The following CSMD3 variants were observed in gnomAD, a reference collection of about 807,000 sequenced individuals.
CSMD3 encodes CUB and sushi domain-containing protein 3.
CSMD3 carries 177 observed loss-of-function variants against 435.2 expected under a neutral mutation model. The ratio of observed to expected loss-of-function variants is 0.41; its 90% CI spans 0.36 to 0.46. CSMD3 has a LOEUF of 0.46. Among genes scored for constraint, CSMD3 ranks in the 20% least tolerant of loss-of-function variants. The pLI is 0.34. For synonymous variants in CSMD3, 1,656 were observed against 1,520.5 expected (o/e 1.09, Z -2.07); for missense variants, 4,265 against 4,504.6 (o/e 0.95, Z 1.52).
intron 32 of CSMD3, among the ~76,000 whole-genome samples, chr8:112,469,450 G>A (rs1297333220): frequency 6.6e-6 from 1 of 151,980 alleles, no homozygotes; most frequent in Non-Finnish European, 1.5e-5. Context: ...TGAATGCACT[G>A]AGTGTATTTG....
At chr8:113,166,244 C>T (rs945412392) in intron 4 of CSMD3, among the ~76,000 whole-genome samples, 2 of 152,062 alleles carry the variant, frequency 1.3e-5, no homozygotes, top group Non-Finnish European at 2.9e-5. Context: ...GTGGCTCACA[C>T]CTGTAATCCC....
At chr8:112,434,536 G>T (rs982441783) in intron 32 of CSMD3, among the ~76,000 whole-genome samples, 1 of 151,954 alleles carries the variant, frequency 6.6e-6, no homozygotes, top group Non-Finnish European at 1.5e-5. Flanking sequence ...CATCTAAAAT[G>T]CTGTATTGTT....
chr8:112,390,449 G>T (rs533540961), intron 36 of CSMD3, among the ~76,000 whole-genome samples: 1 of 152,236 alleles, frequency 6.6e-6, no homozygotes, highest in Admixed American at 6.5e-5. Flanking sequence ...GTTATATGGG[G>T]TTAACACATT....
chr8:113,017,180 C>T (rs1302070993), intron 6 of CSMD3, among the ~76,000 whole-genome samples: 1 of 151,956 alleles, frequency 6.6e-6, no homozygotes, highest in Non-Finnish European at 1.5e-5. Flanking sequence ...CACATCTTTT[C>T]CATTTTACTA....
chr8:112,868,857 T>A (rs1422808421), intron 10 of CSMD3, among the ~76,000 whole-genome samples: 1 of 152,072 alleles, frequency 6.6e-6, no homozygotes, highest in Non-Finnish European at 1.5e-5. Context: ...TATACAAAAA[T>A]TAGCTTGAAA....
intron 10 of CSMD3, among the ~76,000 whole-genome samples, chr8:112,862,858 T>C (rs1350476563): frequency 6.6e-6 from 1 of 152,036 alleles, no homozygotes; most frequent in Non-Finnish European, 1.5e-5. Context: ...CTCCCAAAAA[T>C]AATATTAAAA....
intron 32 of CSMD3, among the ~76,000 whole-genome samples, chr8:112,442,672 T>C (rs1191492325): frequency 2.0e-5 from 3 of 152,222 alleles, no homozygotes; most frequent in African/African-American, 7.2e-5. Context: ...ATCCATTCTC[T>C]GAACTCAACT....
At chr8:113,054,041 T>C (rs1157991498) in intron 5 of CSMD3, among the ~76,000 whole-genome samples, 5 of 152,202 alleles carry the variant, frequency 3.3e-5, no homozygotes, top group African/African-American at 1.2e-4. Flanking sequence ...AATTGATTTC[T>C]TACCAAACTA....
intron 22 of CSMD3, among the ~76,000 whole-genome samples, chr8:112,610,770 T>G (rs879293328): frequency 5.3e-5 from 8 of 152,166 alleles, no homozygotes; most frequent in South Asian, 2.1e-4. Context: ...GAGCACCATC[T>G]TCTGATTTTC....
intron 1 of CSMD3, among the ~76,000 whole-genome samples, chr8:113,332,658 C>A (rs895305393): frequency 6.6e-6 from 1 of 151,108 alleles, no homozygotes; most frequent in Non-Finnish European, 1.5e-5. Context: ...TCCTTTTTTT[C>A]ATCAATTAGA....
At chr8:112,332,209 C>A (rs952461054) in intron 45 of CSMD3, among the ~76,000 whole-genome samples, 8 of 152,078 alleles carry the variant, frequency 5.3e-5, no homozygotes, top group East Asian at 1.9e-4. Flanking sequence ...AAATAATACA[C>A]CATATTGTAA....
chr8:112,767,999 T>C (rs181615844), intron 13 of CSMD3, among the ~76,000 whole-genome samples: 17 of 151,906 alleles, frequency 1.1e-4, no homozygotes, highest in African/African-American at 4.1e-4. Context: ...ACAATCAAAT[T>C]ATCTGCTGGG....
intron 5 of CSMD3, among the ~76,000 whole-genome samples, chr8:113,080,579 T>C (rs897252138): frequency 6.6e-6 from 1 of 152,130 alleles, no homozygotes; most frequent in African/African-American, 2.4e-5. Context: ...CAAAATATAA[T>C]GGAAACCCAA....
intron 12 of CSMD3, among the ~76,000 whole-genome samples, chr8:112,813,938 TG>T (rs2132400904): frequency 6.6e-6 from 1 of 152,314 alleles, no homozygotes; most frequent in Non-Finnish European, 1.5e-5. Flanking sequence ...ATGGTGCAAA[TG>T]TCCCAAGGCT....
At chr8:113,282,505 A>G (rs886849259) in intron 2 of CSMD3, among the ~76,000 whole-genome samples, 3 of 152,064 alleles carry the variant, frequency 2.0e-5, no homozygotes, top group African/African-American at 4.8e-5. Context: ...AAAAATTAAA[A>G]TACTTAGGAA....
At chr8:113,153,101 A>AAAAAG (rs1554791160) in intron 4 of CSMD3, among the ~76,000 whole-genome samples, 3 of 99,994 alleles carry the variant, frequency 3.0e-5, no homozygotes, top group African/African-American at 9.4e-5. Flanking sequence ...AGAAAGAAAG[A>AAAAAG]AAAGAAAGAA....
At chr8:113,376,390 T>C (rs1256388239) in intron 1 of CSMD3, among the ~76,000 whole-genome samples, 2 of 152,120 alleles carry the variant, frequency 1.3e-5, no homozygotes, top group Admixed American at 6.5e-5. Context: ...ACTGTTTGTT[T>C]AGTAATTCAT....
intron 30 of CSMD3, among the ~76,000 whole-genome samples, chr8:112,501,090 T>C (rs576948951): frequency 6.6e-6 from 1 of 151,878 alleles, no homozygotes; most frequent in African/African-American, 2.4e-5. Flanking sequence ...CAGAGAGAGC[T>C]GTCCTCCTTT....
Position 112,635,069 on chromosome 8 carries a change from A to C in CSMD3, c.3715+1748T>G, listed in dbSNP as rs1337795128. ...TAAAAGAACCTAGCAGGTCCTTATA[A>C]TGTTAGCGTTTTATAAAATGGAATT... On this transcript the variant is annotated intron_variant, in intron 22 of 70. Transcript: ENST00000297405. Among the ~76,000 whole-genome samples, 3 of 152,148 alleles carry C rather than the reference A, an allele frequency of 2.0e-5. No individual in the cohort carries two copies. The East Asian group carries it at 5.8e-4, about 29-fold the overall frequency.
Sources: allele counts gnomAD v4.1 joint callset (sites outside exome capture counted in the v4.1 genomes callset), GRCh38; gene constraint gnomAD v4.1.1; transcripts MANE v1.5; gene names NCBI Gene and HGNC (gene_info 2026-07-23, HGNC 2026-07-21).